CEP72: variants seen among roughly 807,000 people sequenced by gnomAD.
CEP72 encodes centrosomal protein 72.
CEP72 carries 78 observed loss-of-function variants against 65.7 expected under a neutral mutation model. The ratio of observed to expected loss-of-function variants is 1.19; its 90% CI spans 0.99 to 1.43. The LOEUF (loss-of-function observed/expected upper bound fraction) is 1.43, where lower values mean the gene tolerates loss of function less well. CEP72 is among the 40% of genes most tolerant of loss of function. The pLI is 0.00. For synonymous variants in CEP72, 358 were observed against 351.7 expected, an observed-to-expected ratio of 1.02 and a Z score of -0.20; for missense variants, 914 against 832.9, an observed-to-expected ratio of 1.10 and a Z score of -1.20.
intron 3 of CEP72, among the ~76,000 whole-genome samples, chr5:621,142 C>T (rs1053606211): frequency 2.0e-5 from 3 of 152,170 alleles, no homozygotes; most frequent in Non-Finnish European, 2.9e-5. Flanking sequence ...CCAGACTGCC[C>T]GGCATGGCCA....
intron 4 of CEP72, among the ~76,000 whole-genome samples, chr5:626,532 G>C (rs1736769161): frequency 6.6e-6 from 1 of 152,150 alleles, no homozygotes; most frequent in South Asian, 2.1e-4. Context: ...TTCAAACATT[G>C]AACTGGGCCA....
intron 2 of CEP72, chr5:663,826 C>G (rs547505142): frequency 6.6e-6 from 1 of 152,508 alleles, no homozygotes; most frequent in Admixed American, 6.5e-5. Context: ...CCCAGCAGGT[C>G]ACACGTGTGG....
downstream of CEP72, chr5:660,315 TC>T (rs1386772131): frequency 6.6e-6 from 1 of 152,212 alleles, no homozygotes; most frequent in Non-Finnish European, 1.5e-5. Flanking sequence ...TGTGCAGATT[TC>T]CTTTGTGGTT....
intron 11 of CEP72, among the ~76,000 whole-genome samples, chr5:652,227 T>C (rs1739157543): frequency 6.6e-6 from 1 of 152,170 alleles, no homozygotes; most frequent in African/African-American, 2.4e-5. Context: ...GGTGCACAGC[T>C]CCCAAACATG....
chr5:618,905 T>A (rs1387470671), intron 1 of CEP72, 85 bp from the exon 2 acceptor site: 2 of 1,066,660 alleles, frequency 1.9e-6, no homozygotes, highest in Non-Finnish European at 2.8e-6. Flanking sequence ...CAGTTTCTAC[T>A]CCATATCCAA....
downstream of CEP72, chr5:655,589 G>T: frequency 6.6e-6 from 1 of 152,034 alleles, no homozygotes. The surrounding 1 kb of genome is among the most constrained non-coding windows in gnomAD (Gnocchi z 5.0). Context: ...ACTCCGGTGG[G>T]TGTGGGGTAG....
chr5:675,009 G>C, the CEP72 span, among the ~76,000 whole-genome samples: 6 of 133,696 alleles, frequency 4.5e-5, no homozygotes, highest in Non-Finnish European at 8.0e-5. Flanking sequence ...AGTGAGGGGG[G>C]CACAGTGTGG....
At chr5:636,002 C>T (rs1028871551) in intron 6 of CEP72, among the ~76,000 whole-genome samples, 8 of 152,234 alleles carry the variant, frequency 5.3e-5, no homozygotes, top group Non-Finnish European at 1.0e-4. Context: ...ATTCCTGCCT[C>T]CCTGAGGGCT....
At chr5:657,570 C>A (rs1394316505), downstream of CEP72, among the ~76,000 whole-genome samples, 1 of 152,252 alleles carries the variant, frequency 6.6e-6, no homozygotes, top group Non-Finnish European at 1.5e-5. Flanking sequence ...GGAGGTTTGA[C>A]TACTGATCCA....
intron 11 of CEP72, among the ~76,000 whole-genome samples, chr5:650,691 G>A (rs1738971520): frequency 2.1e-5 from 1 of 47,342 alleles, no homozygotes; most frequent in South Asian, 8.8e-4. Flanking sequence ...ACTGTGAGGT[G>A]TGACTGTGAG....
chr5:642,349 C>G, intron 9 of CEP72: 1 of 985,154 alleles, frequency 1.0e-6, no homozygotes, highest in Non-Finnish European at 1.2e-6. Context: ...GCACACATGG[C>G]CCCTTCTCTG....
In CEP72 at chr5:619,131, C is replaced by G; in HGVS notation, c.210+14C>G. 6.2e-7 allele frequency: 1 copy of G among 1,604,964 alleles called. No individual in the cohort carries two copies. The highest frequency in any genetic ancestry group is 8.5e-7 in the Non-Finnish European group (1 of 1,173,968). ...GTTAGTCTGGAGGTAAGTTTTAGGT[C>G]TCTTTCTTAAAATTTATTGCTATCA... On this transcript the variant is annotated intron_variant, in intron 2 of 11. Coordinates refer to ENST00000264935, the MANE Select transcript of CEP72 (RefSeq NM_018140.4).
rs1579946376 is a variant in CEP72, at chr5:625,382, C to T, written c.512+803C>T. Among the ~76,000 whole-genome samples the T allele has an allele frequency of 5.3e-5, 8 of 152,286 alleles. No homozygotes were observed. In the South Asian group the frequency reaches 1.7e-3, roughly 32 times the overall value. On this transcript the variant is annotated intron_variant, in intron 4 of 11. Coordinates refer to ENST00000264935, the MANE Select transcript of CEP72 (RefSeq NM_018140.4). ...CTCCACTCATTTTAAACTCCTAGTG[C>T]AGGGATCAGTCAGCTTTTTTGTGTG...
the CEP72 span, among the ~76,000 whole-genome samples, chr5:673,065 A>G: frequency 6.6e-6 from 1 of 152,138 alleles, no homozygotes; most frequent in Non-Finnish European, 1.5e-5. Flanking sequence ...TGCAGTACCG[A>G]AGGCCACTTC....
intron 3 of CEP72, among the ~76,000 whole-genome samples, chr5:622,332 C>T (rs1736446126): frequency 1.3e-5 from 2 of 152,242 alleles, no homozygotes; most frequent in Admixed American, 1.3e-4. Flanking sequence ...GACAGTATCC[C>T]TGGGTCCTGG....
the CEP72 span, among the ~76,000 whole-genome samples, chr5:673,758 G>GC: frequency 2.6e-4 from 40 of 152,124 alleles, no homozygotes; most frequent in African/African-American, 9.4e-4. Context: ...CCAAGCTTTA[G>GC]CCCCCCAAGC....
At chr5:619,547 A>G (rs1167179167) in intron 2 of CEP72, among the ~76,000 whole-genome samples, 2 of 151,116 alleles carry the variant, frequency 1.3e-5, no homozygotes, top group African/African-American at 4.9e-5. Context: ...CTGCGTCTGC[A>G]TGGCCTGATT....
At chr5:675,186 A>G in the CEP72 span, among the ~76,000 whole-genome samples, 8 of 49,052 alleles carry the variant, frequency 1.6e-4, no homozygotes, top group Non-Finnish European at 1.8e-4. Flanking sequence ...CATGGAGGGT[A>G]CGGTGTGGCC....
chr5:628,820 C>T (rs78956239), intron 4 of CEP72, among the ~76,000 whole-genome samples: 2 of 121,512 alleles, frequency 1.6e-5, no homozygotes, highest in Non-Finnish European at 3.4e-5. Context: ...CTCAGGTTGC[C>T]GTCCCCAGGG....
Sources: gnomAD v4.1 joint callset for allele counts (sites outside exome capture counted in the v4.1 genomes callset) on GRCh38, gnomAD v4.1.1 for gene constraint, Gnocchi (gnomAD v3.1) non-coding constraint, MANE v1.5 for transcripts, NCBI Gene and HGNC (gene_info 2026-07-23, HGNC 2026-07-21) for gene names.